Variants in TRDN observed in about 807,000 individuals in gnomAD.
TRDN encodes the protein triadin in skeletal muscle.
A neutral mutation model predicts 149.7 loss-of-function variants in TRDN; 161 were observed. The ratio of observed to expected loss-of-function variants is 1.08; its 90% CI spans 0.95 to 1.23. The LOEUF (loss-of-function observed/expected upper bound fraction) is 1.23. Ranked by LOEUF, TRDN falls within the 50% of genes most tolerant of loss-of-function variation. The pLI, the probability that TRDN is intolerant of heterozygous loss-of-function variation, is 0.00. For synonymous variants in TRDN, 294 were observed against 250.5 expected (o/e 1.17, Z -1.64); for missense variants, 896 against 823.5 (o/e 1.09, Z -1.08).
At chr6:123,323,724 A>G in intron 23 of TRDN, among the ~76,000 whole-genome samples, 1 of 152,104 alleles carries the variant, frequency 6.6e-6, no homozygotes, top group Non-Finnish European at 1.5e-5. Context: ...AAATGCATAC[A>G]TTGTCCCTGC....
intron 20 of TRDN, among the ~76,000 whole-genome samples, chr6:123,363,151 T>G (rs2114346610): frequency 6.6e-6 from 1 of 152,312 alleles, no homozygotes; most frequent in East Asian, 1.9e-4. Flanking sequence ...GTTCCTAGTT[T>G]AAGCCTCAAT....
At chr6:123,489,402 C>T (rs182465138) in intron 9 of TRDN, 1 of 152,188 alleles carries the variant, frequency 6.6e-6, no homozygotes, top group Non-Finnish European at 1.5e-5. Flanking sequence ...TCTCATTACA[C>T]TATCAGGGTC....
At chr6:123,358,669 G>C (rs1187121936) in intron 20 of TRDN, among the ~76,000 whole-genome samples, 4 of 95,540 alleles carry the variant, frequency 4.2e-5, no homozygotes, top group African/African-American at 1.6e-4. Flanking sequence ...TTTTAGTAGA[G>C]ACAGGGTTTC....
chr6:123,280,210 G>C (rs1429586795), intron 24 of TRDN, among the ~76,000 whole-genome samples: 1 of 152,094 alleles, frequency 6.6e-6, no homozygotes, highest in Non-Finnish European at 1.5e-5. Context: ...GCAGAGAAGA[G>C]GAAGGGAGTT....
chr6:123,608,172 G>T (rs958572700), intron 1 of TRDN, among the ~76,000 whole-genome samples: 2 of 151,966 alleles, frequency 1.3e-5, no homozygotes, highest in East Asian at 1.9e-4. Context: ...GACAACATGG[G>T]CTCAATTCCT....
intron 20 of TRDN, 25 bp from the exon 21 acceptor site, chr6:123,352,611 A>G: frequency 6.2e-7 from 1 of 1,604,916 alleles, no homozygotes; most frequent in Non-Finnish European, 8.5e-7. Flanking sequence ...TAAGGTTTAA[A>G]GAAGAGTTCC....
intron 24 of TRDN, among the ~76,000 whole-genome samples, chr6:123,298,219 A>G (rs80197245): frequency 5.3e-5 from 8 of 152,158 alleles, no homozygotes; most frequent in African/African-American, 1.9e-4. Flanking sequence ...AGCCATCTCT[A>G]TTGTCCATAG....
chr6:123,458,158 A>G (rs1345931259), intron 10 of TRDN, among the ~76,000 whole-genome samples: 1 of 152,178 alleles, frequency 6.6e-6, no homozygotes, highest in East Asian at 1.9e-4. Context: ...TCTTTGTGTT[A>G]TCCATCTCTC....
At chr6:123,274,729 TA>T in intron 26 of TRDN, 59 bp from the exon 27 acceptor site, 1 of 1,450,256 alleles carries the variant, frequency 6.9e-7, no homozygotes, top group Non-Finnish European at 9.5e-7. Flanking sequence ...GAATGAAAAT[TA>T]ATTTTTAGAA....
chr6:123,521,174 C>T (rs1243696572), intron 5 of TRDN, among the ~76,000 whole-genome samples: 1 of 152,002 alleles, frequency 6.6e-6, no homozygotes, highest in East Asian at 1.9e-4. Context: ...TAAAAACAAT[C>T]CTTTGTTTTT....
chr6:123,369,671 A>C (rs1336369826), intron 19 of TRDN, among the ~76,000 whole-genome samples: 2 of 152,204 alleles, frequency 1.3e-5, no homozygotes, highest in African/African-American at 2.4e-5. Flanking sequence ...TAGAGAAAAT[A>C]GGGGCAGACT....
At chr6:123,545,348 A>G (rs1425804336) in intron 4 of TRDN, among the ~76,000 whole-genome samples, 1 of 151,954 alleles carries the variant, frequency 6.6e-6, no homozygotes, top group African/African-American at 2.4e-5. Flanking sequence ...CTTAAAATGT[A>G]GAATATGTAT....
intron 18 of TRDN, among the ~76,000 whole-genome samples, chr6:123,375,903 C>T (rs1044989204): frequency 6.6e-6 from 1 of 152,074 alleles, no homozygotes; most frequent in Non-Finnish European, 1.5e-5. Context: ...ATCTTGCTCT[C>T]CATTTTTAAT....
chr6:123,346,241 G>A (rs775561655), intron 21 of TRDN, among the ~76,000 whole-genome samples: 2 of 151,952 alleles, frequency 1.3e-5, no homozygotes, highest in Non-Finnish European at 2.9e-5. Context: ...CCATCAATGG[G>A]TGTTAGATTT....
intron 24 of TRDN, among the ~76,000 whole-genome samples, chr6:123,309,773 A>C (rs1424780076): frequency 2.6e-5 from 4 of 151,964 alleles, no homozygotes; most frequent in Non-Finnish European, 5.9e-5. Flanking sequence ...AAAAATAAAG[A>C]GGTATATCAT....
At chr6:123,445,536 C>T (rs1390729502) in intron 10 of TRDN, among the ~76,000 whole-genome samples, 1 of 97,940 alleles carries the variant, frequency 1.0e-5, no homozygotes, top group African/African-American at 4.9e-5. Flanking sequence ...AACAAATTTA[C>T]AAGAAAAAAA....
intron 5 of TRDN, among the ~76,000 whole-genome samples, chr6:123,517,248 A>G (rs762089455): frequency 6.6e-6 from 1 of 152,122 alleles, no homozygotes; most frequent in African/African-American, 2.4e-5. Context: ...GAGAAATGAG[A>G]AGAAATTAGC....
chr6:123,557,618 G>A (rs971906463), intron 2 of TRDN, among the ~76,000 whole-genome samples: 1 of 152,020 alleles, frequency 6.6e-6, no homozygotes, highest in African/African-American at 2.4e-5. Context: ...GTCTTCCCTT[G>A]GTGTTTAATC....
At position 123,586,024 on chromosome 6, in the gene TRDN, C is replaced by T. The variant is rs560430348; in HGVS notation, c.23-14892G>A. On this transcript the variant is annotated intron_variant, in intron 1 of 40. Transcript: ENST00000334268. ...TTTTGAGAATAAGACGGCCTTTTGA[C>T]CTTTTAGGGTCTAGGGCTGTAAAGT... 8.4e-4 allele frequency among the ~76,000 whole-genome samples: 128 copies of T among 151,986 alleles called. No individual in the cohort carries two copies. The East Asian group carries it at 0.023, about 27-fold the overall frequency.
Sources: allele counts gnomAD v4.1 joint callset (sites outside exome capture counted in the v4.1 genomes callset), GRCh38; gene constraint gnomAD v4.1.1; transcripts MANE v1.5; gene names NCBI Gene and HGNC (gene_info 2026-07-23, HGNC 2026-07-21).